The following HDHD2 variants were observed in gnomAD, a reference collection of about 807,000 sequenced individuals.
HDHD2 encodes haloacid dehalogenase-like hydrolase domain-containing protein 2.
In HDHD2, 26 loss-of-function variants were observed where a neutral mutation model predicts 24.8. The observed-to-expected ratio is 1.05, with a 90% confidence interval of 0.77 to 1.45. HDHD2 has a LOEUF of 1.45. Ranked by LOEUF, HDHD2 falls within the 40% of genes most tolerant of loss-of-function variation. The pLI is 0.00. For synonymous variants in HDHD2, 128 were observed against 114.9 expected, an observed-to-expected ratio of 1.11 and a Z score of -0.73; for missense variants, 299 against 313.4, an observed-to-expected ratio of 0.95 and a Z score of 0.35.
At chr18:47,121,262 C>G (rs780343055) in intron 4 of HDHD2, among the ~76,000 whole-genome samples, 1 of 152,118 alleles carries the variant, frequency 6.6e-6, no homozygotes, top group Non-Finnish European at 1.5e-5. Flanking sequence ...GGTCAAACAC[C>G]TACCATATGT....
intron 3 of HDHD2, 129 bp from the exon 4 acceptor site, chr18:47,130,457 C>A: frequency 6.5e-6 from 4 of 618,918 alleles, no homozygotes; most frequent in South Asian, 6.0e-5. Context: ...AATAGATTAT[C>A]CTGCCCAGTG....
rs564985898 is a variant in HDHD2, at chr18:47,137,521, G to A, written c.-10-1072C>T. ...AACTAAATAGCCAATGGTATGTTCT[G>A]ATTGACATCAAGTGGAGATGGGATG... On this transcript the variant is annotated intron_variant, in intron 1 of 6. Transcript: ENST00000300605. 2.0e-5 allele frequency among the ~76,000 whole-genome samples: 3 copies of A among 152,242 alleles called. No homozygotes were observed. The East Asian group carries it at 5.8e-4, about 29-fold the overall frequency.
intron 5 of HDHD2, among the ~76,000 whole-genome samples, chr18:47,114,132 C>G (rs1251795376): frequency 6.6e-6 from 1 of 152,204 alleles, no homozygotes; most frequent in Non-Finnish European, 1.5e-5. Flanking sequence ...AAAGGCTTGT[C>G]AAGAGGAACA....
intron 2 of HDHD2, among the ~76,000 whole-genome samples, chr18:47,135,934 C>A (rs912152277): frequency 6.6e-6 from 1 of 152,182 alleles, no homozygotes; most frequent in African/African-American, 2.4e-5. Context: ...AGCAGTTGCA[C>A]AATCGATGTT....
intron 1 of HDHD2, among the ~76,000 whole-genome samples, chr18:47,142,911 T>C (rs569951036): frequency 6.6e-6 from 1 of 152,246 alleles, no homozygotes; most frequent in African/African-American, 2.4e-5. Context: ...CCTTCTAACT[T>C]TTTCTAAAGG....
intron 1 of HDHD2, among the ~76,000 whole-genome samples, chr18:47,142,279 A>T (rs1055699517): frequency 3.5e-4 from 10 of 28,530 alleles, no homozygotes; most frequent in African/African-American, 9.1e-4. Context: ...TTCATTTCAT[A>T]AAAAAAAAAA....
rs769159211 is a variant in HDHD2, at chr18:47,134,517, GATC to G, written c.286_288del (p.Asp96del). The G allele has an allele frequency of 1.2e-6, 2 of 1,613,786 alleles. No homozygotes were observed. The highest frequency in any genetic ancestry group is 1.7e-5 in the Admixed American group (1 of 59,990). ...CTACCTTTGAAATCAGGTAGTGCCC[GATC>G]ATCAACTAGCAGCATGGGTCTGACT... On this transcript the variant is annotated inframe_deletion, in exon 3 of 7. Coordinates refer to ENST00000300605, the MANE Select transcript of HDHD2 (RefSeq NM_032124.5).
Position 47,110,563 on chromosome 18 carries a change from C to A in HDHD2, c.677-1778G>T, listed in dbSNP as rs187421925. On this transcript the variant is annotated intron_variant, in intron 6 of 6. Coordinates refer to ENST00000300605, the MANE Select transcript of HDHD2 (RefSeq NM_032124.5). ...AGTTAAAGGCTTTTGCTTAGTCTGG[C>A]TCTGCAAGTGGGGTTTCTACAAAAT... The A allele has an allele frequency of 4.9e-4, 480 of 985,384 alleles. 1 individual carries two copies. In the African/African-American group the frequency reaches 8.0e-3, roughly 16 times the overall value. The allele number at this position is 985,384 out of a possible 1,614,324, so 61.0% of individuals were successfully genotyped here.
chr18:47,111,802 AAC>A (rs1353914264), intron 6 of HDHD2: 34 of 985,352 alleles, frequency 3.5e-5, no homozygotes, highest in Non-Finnish European at 4.0e-5. Context: ...TGAAATTCAA[AAC>A]AGATTTCAAG....
At position 47,115,229 on chromosome 18, in the gene HDHD2, G is replaced by A. The variant is rs1441760037; in HGVS notation, c.515C>T (p.Thr172Ile). 1.2e-6 allele frequency: 2 copies of A among 1,613,988 alleles called. No homozygotes were observed. Among genetic ancestry groups the A allele is most frequent in the Non-Finnish European group, 1.7e-6 (2 of 1,179,922 alleles). ...TGGTTTCCCCACGACTGTGGCTTTG[G>A]TATCTGTGGCATACTCTAAAGCAGT... ...FVTALEYATD[T>I]KATVVGKPEK... is the part of the protein sequence containing the mutation. The change falls in exon 5 of 7, where the codon ACC becomes ATC. Residue 172 changes from threonine (T) to isoleucine (I), a missense_variant. Transcript: ENST00000300605.
At position 47,142,192 on chromosome 18, in the gene HDHD2, A is replaced by G. The variant is rs115695453; in HGVS notation, c.-10-5743T>C. On this transcript the variant is annotated intron_variant, in intron 1 of 6. Coordinates refer to ENST00000300605, the MANE Select transcript of HDHD2 (RefSeq NM_032124.5). ...GTACAGATTTTTAGATGATTGGGAA[A>G]GAAATCAAAAGAATAATATTTTGTG... 1.6e-3 allele frequency among the ~76,000 whole-genome samples: 238 copies of G among 152,336 alleles called. 1 individual carries two copies. The highest frequency in any genetic ancestry group is 5.5e-3 in the African/African-American group (229 of 41,570).
intron 4 of HDHD2, among the ~76,000 whole-genome samples, chr18:47,118,162 A>T (rs2063572403): frequency 1.3e-5 from 2 of 152,192 alleles, no homozygotes; most frequent in Admixed American, 1.3e-4. Flanking sequence ...GAGCAGCGAG[A>T]GAAAGCTGAA....
chr18:47,113,761 T>C lies in HDHD2; in HGVS notation c.613-721A>G, dbSNP rs1046030843. 2.0e-5 allele frequency among the ~76,000 whole-genome samples: 3 copies of C among 152,122 alleles called. No individual in the cohort carries two copies. The South Asian group carries it at 6.2e-4, about 32-fold the overall frequency. On this transcript the variant is annotated intron_variant, in intron 5 of 6. Transcript: ENST00000300605. ...CATGCCTGAAGAAAGTTTTTTTTTT[T>C]CCTTAAAAACCATTAATATTGTTCA... is the stretch of plus-strand genomic sequence containing the variant.
chr18:47,134,164 A>G (rs2063740597), intron 3 of HDHD2, among the ~76,000 whole-genome samples: 2 of 152,326 alleles, frequency 1.3e-5, no homozygotes, highest in East Asian at 3.9e-4. Context: ...TGTAAAACTA[A>G]TTTGGAGGGC....
At chr18:47,134,028 G>A (rs981633731) in intron 3 of HDHD2, among the ~76,000 whole-genome samples, 1 of 152,162 alleles carries the variant, frequency 6.6e-6, no homozygotes, top group Non-Finnish European at 1.5e-5. Flanking sequence ...TGCTTTTGGT[G>A]TTTTACACAT....
intron 1 of HDHD2, among the ~76,000 whole-genome samples, chr18:47,143,134 C>T (rs1465310583): frequency 1.3e-5 from 2 of 151,910 alleles, no homozygotes; most frequent in African/African-American, 4.8e-5. Flanking sequence ...AGCACGTGTC[C>T]AAGAAGCTAT....
intron 3 of HDHD2, among the ~76,000 whole-genome samples, chr18:47,130,933 A>G (rs767599440): frequency 1.3e-5 from 2 of 152,200 alleles, no homozygotes; most frequent in Non-Finnish European, 2.9e-5. Flanking sequence ...AGAACTTCAG[A>G]CATGACAATC....
chr18:47,136,064 G>A (rs2063763092), intron 2 of HDHD2, among the ~76,000 whole-genome samples: 1 of 152,074 alleles, frequency 6.6e-6, no homozygotes, highest in Admixed American at 6.5e-5. Flanking sequence ...GTAGACTCTT[G>A]AGTTGTCATT....
chr18:47,132,992 G>A (rs746852691), intron 3 of HDHD2, among the ~76,000 whole-genome samples: 2 of 151,964 alleles, frequency 1.3e-5, no homozygotes, highest in South Asian at 2.1e-4. Flanking sequence ...ACCTGTGTTC[G>A]TTTTTTTATT....
Sources: gnomAD v4.1 joint callset for allele counts (sites outside exome capture counted in the v4.1 genomes callset) on GRCh38, gnomAD v4.1.1 for gene constraint, MANE v1.5 for transcripts, NCBI Gene and HGNC (gene_info 2026-07-23, HGNC 2026-07-21) for gene names.